AOX1: variants seen among roughly 807,000 people sequenced by gnomAD.
AOX1 encodes the protein aldehyde oxidase.
Under a neutral mutation model 169.5 loss-of-function variants are expected in AOX1, and 153 were observed. That is an observed-to-expected ratio of 0.90 (90% CI 0.79 to 1.03). The LOEUF (loss-of-function observed/expected upper bound fraction) is 1.03. Ranked by LOEUF, AOX1 falls within the 50% of genes least tolerant of loss-of-function variation. The pLI, the probability that AOX1 is intolerant of heterozygous loss-of-function variation, is 0.00. For synonymous variants in AOX1, 562 were observed against 581.9 expected, an observed-to-expected ratio of 0.97 and a Z score of 0.49; for missense variants, 1,656 against 1,663.9, an observed-to-expected ratio of 1.00 and a Z score of 0.08.
chr2:200,674,615 A>T (rs2036071790), downstream of AOX1, among the ~76,000 whole-genome samples: 1 of 152,256 alleles, frequency 6.6e-6, no homozygotes, highest in African/African-American at 2.4e-5. Context: ...CAACTCTGTC[A>T]TCCATCACCC....
At position 200,609,426 on chromosome 2, in the gene AOX1, C is replaced by T; in HGVS notation, c.1153+12C>T. Reference sequence around the variant, plus strand: ...CTTGCTATCAAAAGGTAAGTGACAGCCCCTACTTGGAGATTATTAAGCTGT... The same window carrying T: ...CTTGCTATCAAAAGGTAAGTGACAGTCCCTACTTGGAGATTATTAAGCTGT... On this transcript the variant is annotated intron_variant, in intron 12 of 34. Transcript: ENST00000374700. 1.9e-6 allele frequency: 3 copies of T among 1,606,910 alleles called. No homozygotes were observed. Among genetic ancestry groups the T allele is most frequent in the South Asian group, 2.2e-5 (2 of 90,886 alleles).
chr2:200,627,680 C>G (rs571410435), intron 20 of AOX1, among the ~76,000 whole-genome samples: 6 of 152,142 alleles, frequency 3.9e-5, no homozygotes, highest in Admixed American at 2.0e-4. Context: ...CCCTGACCCC[C>G]CTTCCCTCAT....
Position 200,599,603 on chromosome 2 carries a change from C to A in AOX1, c.310-17C>A. 6.3e-7 allele frequency: 1 copy of A among 1,591,718 alleles called. No homozygotes were observed. The highest frequency in any genetic ancestry group is 8.6e-7 in the Non-Finnish European group (1 of 1,169,228). ...GGGGCCCCAAATTCTGCATTTCTAA[C>A]CTTTCTGTGCTTCCAGGAGAGGATT... On this transcript the variant is annotated splice_polypyrimidine_tract_variant and intron_variant, in intron 4 of 34. Transcript: ENST00000374700.
chr2:200,645,553 G>A (rs2035436319), intron 25 of AOX1, among the ~76,000 whole-genome samples: 2 of 152,020 alleles, frequency 1.3e-5, no homozygotes, highest in African/African-American at 4.8e-5. Flanking sequence ...GTCCTTTCCT[G>A]GTTTTGTTAT....
intron 25 of AOX1, among the ~76,000 whole-genome samples, chr2:200,648,463 T>C (rs545343630): frequency 1.8e-4 from 27 of 152,334 alleles, no homozygotes; most frequent in African/African-American, 4.8e-4. Context: ...CTCTCAGCTA[T>C]GGATACCAGT....
intron 10 of AOX1, among the ~76,000 whole-genome samples, chr2:200,606,806 T>A (rs1283274698): frequency 6.6e-6 from 1 of 152,190 alleles, no homozygotes; most frequent in Non-Finnish European, 1.5e-5. Context: ...TGTATTGGAA[T>A]GCTTGTGATT....
chr2:200,636,490 G>A (rs575877864), intron 21 of AOX1, among the ~76,000 whole-genome samples: 4 of 152,254 alleles, frequency 2.6e-5, no homozygotes, highest in East Asian at 3.9e-4. Flanking sequence ...TGCTGAGTGA[G>A]GCTTAGAAGA....
At chr2:200,640,392 T>C (rs1338288738) in intron 23 of AOX1, among the ~76,000 whole-genome samples, 1 of 152,012 alleles carries the variant, frequency 6.6e-6, no homozygotes, top group Admixed American at 6.6e-5. Flanking sequence ...GGATGGAAGC[T>C]GGTAGACAGC....
chr2:200,666,871 C>A, intron 32 of AOX1, 119 bp downstream of exon 32: 1 of 628,070 alleles, frequency 1.6e-6, no homozygotes, highest in South Asian at 2.6e-5. Context: ...CTTTAGTCAA[C>A]TCTATTCAGA....
intron 20 of AOX1, among the ~76,000 whole-genome samples, chr2:200,631,967 GCT>G (rs932173718): frequency 1.2e-4 from 18 of 151,932 alleles, no homozygotes; most frequent in Admixed American, 1.0e-3. Flanking sequence ...ATTTTTCTGT[GCT>G]CTTTTTTTAA....
At chr2:200,594,473 A>G (rs1386065699) in intron 2 of AOX1, among the ~76,000 whole-genome samples, 1 of 152,170 alleles carries the variant, frequency 6.6e-6, no homozygotes, top group Non-Finnish European at 1.5e-5. Context: ...GCAGTGTCAC[A>G]ATGTTGTTGA....
chr2:200,656,925 T>C lies in AOX1; in HGVS notation c.3159T>C (p.Thr1053=). ...GGIEMGQGVH[T]KMIQVVSREL... ...TTGAAATGGGGCAGGGGGTCCACAC[T>C]AAAATGATTCAGGTAAGAATGCAAA... The change falls in exon 27 of 35, where the codon ACT becomes ACC. Residue 1053 remains threonine, a synonymous_variant. Coordinates refer to ENST00000374700, the MANE Select transcript of AOX1 (RefSeq NM_001159.4). 6.3e-7 allele frequency: 1 copy of C among 1,575,126 alleles called. No individual in the cohort carries two copies.
chr2:200,612,685 TC>T lies in AOX1; in HGVS notation c.1341del (p.Phe449LeufsTer44). 6.2e-7 allele frequency: 1 copy of T among 1,613,924 alleles called. No homozygotes were observed. The highest frequency in any genetic ancestry group is 2.2e-5 in the East Asian group (1 of 44,860). On this transcript the variant is annotated frameshift_variant, in exon 14 of 35. Coordinates refer to ENST00000374700, the MANE Select transcript of AOX1 (RefSeq NM_001159.4). LOFTEE classifies it high-confidence loss of function. ...GCGATAGTCAATTCAGGAATGAGAG[TC>T]TTTTTTGGAGAAGGGGATGGCATTA... ...ALAIVNSGMR[V>X]FFGEGDGIIR...
At chr2:200,661,684 G>A in intron 30 of AOX1, 53 bp downstream of exon 30, 11 of 1,442,600 alleles carry the variant, frequency 7.6e-6, no homozygotes, top group Non-Finnish European at 1.1e-5. Context: ...GTATCTTGAG[G>A]AAGAGTTTCA....
chr2:200,668,250 C>A (rs2105777572), intron 32 of AOX1, among the ~76,000 whole-genome samples: 1 of 152,022 alleles, frequency 6.6e-6, no homozygotes, highest in East Asian at 1.9e-4. Context: ...GAATTATAGG[C>A]ATGCACCATC....
At chr2:200,588,726 C>CTTTGTTTTTTTTTTTTTTTT (rs2034096184) in intron 1 of AOX1, among the ~76,000 whole-genome samples, 1 of 53,986 alleles carries the variant, frequency 1.9e-5, no homozygotes, top group Non-Finnish European at 3.9e-5. Context: ...CTAGAATAAG[C>CTTTGTTTTTTTTTTTTTTTT]TTTTTTTTTT....
chr2:200,599,030 A>G (rs1318996101), intron 4 of AOX1, among the ~76,000 whole-genome samples: 1 of 152,164 alleles, frequency 6.6e-6, no homozygotes, highest in Non-Finnish European at 1.5e-5. Context: ...TCATTTCTTC[A>G]TTGATGCGGA....
chr2:200,615,994 T>C lies in AOX1; in HGVS notation c.1635T>C (p.Leu545=). The C allele has an allele frequency of 6.2e-7, 1 of 1,613,780 alleles. No individual in the cohort carries two copies. The highest frequency in any genetic ancestry group is 8.5e-7 in the Non-Finnish European group (1 of 1,179,674). ...AGGATCCAGTTCACTATCCTAGCCT[T>C]GCAGACAAGTATGAAAGTGCTTTAG... ...KKMDPVHYPS[L]ADKYESALED... is the part of the protein sequence containing the mutation. Residue 545 remains leucine (L), a synonymous_variant, in exon 16 of 35, where the codon CTT becomes CTC. Transcript: ENST00000374700.
At chr2:200,620,624 G>A in intron 16 of AOX1, 26 bp from the exon 17 acceptor site, 1 of 1,479,572 alleles carries the variant, frequency 6.8e-7, no homozygotes, top group Non-Finnish European at 8.9e-7. Context: ...AAATGTAAAA[G>A]TATATTTTGG....
Sources: allele counts gnomAD v4.1 joint callset (sites outside exome capture counted in the v4.1 genomes callset), GRCh38; gene constraint gnomAD v4.1.1; transcripts MANE v1.5; gene names NCBI Gene and HGNC (gene_info 2026-07-23, HGNC 2026-07-21).